SEC24A: variants seen among roughly 807,000 people sequenced by gnomAD.
SEC24A encodes the protein SEC24 homolog A, COPII component.
SEC24A carries 93 observed loss-of-function variants against 129.4 expected under a neutral mutation model. The ratio of observed to expected loss-of-function variants is 0.72; its 90% CI spans 0.61 to 0.85. The LOEUF is 0.85. SEC24A is among the 40% of genes least tolerant of loss of function. The probability of loss-of-function intolerance (pLI) is 0.00; values close to 1 mark genes in which losing one functional copy is unlikely to be tolerated. For synonymous variants in SEC24A, 460 were observed against 467.3 expected (o/e 0.98, Z 0.20); for missense variants, 1,264 against 1,307.4 (o/e 0.97, Z 0.51).
At chr5:134,716,401 G>A (rs936864767) in intron 19 of SEC24A, among the ~76,000 whole-genome samples, 8 of 151,128 alleles carry the variant, frequency 5.3e-5, no homozygotes, top group African/African-American at 9.7e-5. Context: ...CCCGGGAGGC[G>A]GAGGTTGCAG....
chr5:134,651,051 A>T (rs1237686849), intron 1 of SEC24A, among the ~76,000 whole-genome samples: 1 of 150,442 alleles, frequency 6.6e-6, no homozygotes, highest in African/African-American at 2.4e-5. Context: ...CTGGGATTAC[A>T]GGCATGAGCC....
At chr5:134,661,073 T>A in intron 1 of SEC24A, 46 bp from the exon 2 acceptor site, 1 of 1,242,984 alleles carries the variant, frequency 8.0e-7, no homozygotes, top group Non-Finnish European at 1.1e-6. Flanking sequence ...CTTAAAGTAT[T>A]GCTATATTCG....
chr5:134,706,368 C>T (rs1356490346), intron 17 of SEC24A, among the ~76,000 whole-genome samples: 1 of 152,132 alleles, frequency 6.6e-6, no homozygotes, highest in Non-Finnish European at 1.5e-5. Flanking sequence ...GATATCTTCA[C>T]GTATTTATTT....
chr5:134,721,093 A>T lies in SEC24A; in HGVS notation c.3063+3A>T, dbSNP rs1210696696. On this transcript the variant is annotated splice_donor_region_variant and intron_variant, in intron 21 of 22. Coordinates refer to ENST00000398844, the MANE Select transcript of SEC24A (RefSeq NM_021982.3). ...ATGCATCAATTCCACAGCCTATGGT[A>T]AGACTCTTTTATTATAGTGATTATA... The T allele has an allele frequency of 6.4e-7, 1 of 1,564,390 alleles. No homozygotes were observed. The highest frequency in any genetic ancestry group is 8.8e-7 in the Non-Finnish European group (1 of 1,136,238).
chr5:134,717,241 C>T (rs1466901259), intron 19 of SEC24A, among the ~76,000 whole-genome samples: 1 of 152,082 alleles, frequency 6.6e-6, no homozygotes, highest in South Asian at 2.1e-4. Flanking sequence ...CGGTAAATCA[C>T]ACCTGTAATC....
chr5:134,725,341 A>C lies in SEC24A; in HGVS notation c.*247A>C. 1 of 299,754 alleles carries C rather than the reference A, an allele frequency of 3.3e-6. No homozygotes were observed. The highest frequency in any genetic ancestry group is 6.1e-6 in the Non-Finnish European group (1 of 164,486). 18.6% of individuals were successfully genotyped at this position (299,754 alleles called of 1,614,324 possible). On this transcript the variant is annotated 3_prime_UTR_variant, in exon 23 of 23. Coordinates refer to ENST00000398844, the MANE Select transcript of SEC24A (RefSeq NM_021982.3). ...ATGATTGGATACTTTTTTCTTGCCAATTATGTTTGAGTTGTTATGGATTAA... is the reference window on the plus strand; with the variant it reads ...ATGATTGGATACTTTTTTCTTGCCACTTATGTTTGAGTTGTTATGGATTAA...
chr5:134,708,275 G>C (rs973055715), intron 17 of SEC24A, among the ~76,000 whole-genome samples: 2 of 152,152 alleles, frequency 1.3e-5, no homozygotes, highest in Non-Finnish European at 2.9e-5. Flanking sequence ...TTTGAGATCA[G>C]CCTGGGCAAC....
At chr5:134,699,551 G>A (rs773096597) in intron 15 of SEC24A, among the ~76,000 whole-genome samples, 19 of 150,570 alleles carry the variant, frequency 1.3e-4, no homozygotes, top group Non-Finnish European at 2.2e-4. Context: ...CGTCCGCCTC[G>A]GCCTCCCAAA....
intron 18 of SEC24A, among the ~76,000 whole-genome samples, chr5:134,712,385 G>T (rs1283925496): frequency 6.6e-6 from 1 of 151,546 alleles, no homozygotes. Context: ...AGAGTAGCTG[G>T]GATTACAGGC....
intron 20 of SEC24A, 129 bp downstream of exon 20, chr5:134,718,302 A>G: frequency 3.3e-6 from 2 of 604,268 alleles, no homozygotes; most frequent in Non-Finnish European, 6.0e-6. Context: ...ATACAGTCGT[A>G]CACTGATTAA....
Position 134,679,654 on chromosome 5 carries a change from C to A in SEC24A, c.1307C>A (p.Thr436Lys). The A allele has an allele frequency of 6.3e-7, 1 of 1,599,972 alleles. No individual in the cohort carries two copies. Among genetic ancestry groups the A allele is most frequent in the Non-Finnish European group, 8.5e-7 (1 of 1,169,966 alleles). Reference protein sequence around the residue: ...STIVRCRSCRTYINPFVSFLD... With the variant: ...STIVRCRSCRKYINPFVSFLD... The stretch of plus-strand genomic sequence containing the variant: ...ATTGTGAGATGCCGTTCATGCAGGA[C>A]GTACATCAATCCTTTCGTCAGCTTT... The change falls in exon 8 of 23, where the codon ACG becomes AAG. Residue 436 changes from threonine (T) to lysine (K), a missense_variant. Coordinates refer to ENST00000398844, the MANE Select transcript of SEC24A (RefSeq NM_021982.3).
At chr5:134,685,466 G>T (rs767604419) in intron 9 of SEC24A, among the ~76,000 whole-genome samples, 2 of 152,028 alleles carry the variant, frequency 1.3e-5, no homozygotes, top group Non-Finnish European at 1.5e-5. Context: ...ATCTAGAGAT[G>T]ATTTAAAGTA....
chr5:134,667,106 G>A (rs1400597375), intron 3 of SEC24A, 110 bp downstream of exon 3: 2 of 966,200 alleles, frequency 2.1e-6, no homozygotes, highest in Non-Finnish European at 1.5e-6. Flanking sequence ...AGAAAATCTA[G>A]TTTTGGTTAG....
chr5:134,692,990 G>A (rs12653305), intron 12 of SEC24A: 3 of 1,492,150 alleles, frequency 2.0e-6, no homozygotes, highest in Non-Finnish European at 2.7e-6. Context: ...AAGCACATTA[G>A]GTAGGCTGCT....
At chr5:134,674,541 A>C (rs1750983869) in intron 4 of SEC24A, 74 bp from the exon 5 acceptor site, 1 of 1,416,314 alleles carries the variant, frequency 7.1e-7, no homozygotes, top group Non-Finnish European at 9.6e-7. Context: ...TCTCCAAAAA[A>C]AATGTTTTTT....
chr5:134,670,039 G>T (rs1750803524), intron 3 of SEC24A, among the ~76,000 whole-genome samples: 2 of 152,120 alleles, frequency 1.3e-5, no homozygotes, highest in African/African-American at 2.4e-5. Context: ...CGATTCTTGT[G>T]CCTCAGTCTC....
intron 13 of SEC24A, among the ~76,000 whole-genome samples, chr5:134,695,884 G>A (rs1233432909): frequency 5.3e-5 from 8 of 150,444 alleles, no homozygotes; most frequent in Non-Finnish European, 8.9e-5. Flanking sequence ...AACCCGGGAG[G>A]CAGTGAGCTG....
At chr5:134,649,386 A>G (rs1749971558) in intron 1 of SEC24A, 1 of 439,640 alleles carries the variant, frequency 2.3e-6, no homozygotes, top group African/African-American at 2.1e-5. Flanking sequence ...GTCGGTCACC[A>G]AAACAGTAAA....
At chr5:134,693,218 T>C (rs1580719248) in intron 12 of SEC24A, 1 of 1,503,844 alleles carries the variant, frequency 6.6e-7, no homozygotes, top group African/African-American at 1.4e-5. Flanking sequence ...CAATGGTGAC[T>C]GTGCCATAGT....
Sources: allele counts gnomAD v4.1 joint callset (sites outside exome capture counted in the v4.1 genomes callset), GRCh38; gene constraint gnomAD v4.1.1; transcripts MANE v1.5; gene names NCBI Gene and HGNC (gene_info 2026-07-23, HGNC 2026-07-21).